Variants in SGTB observed in about 807,000 individuals in gnomAD.
SGTB encodes small glutamine-rich tetratricopeptide repeat-containing protein beta.
In SGTB, 19 loss-of-function variants were observed where a neutral mutation model predicts 43.9. The ratio of observed to expected loss-of-function variants is 0.43; its 90% CI spans 0.30 to 0.63. SGTB has a LOEUF of 0.63. Ranked by LOEUF, SGTB falls within the 30% of genes least tolerant of loss-of-function variation. The probability of loss-of-function intolerance (pLI) is 0.12; values close to 1 mark genes in which losing one functional copy is unlikely to be tolerated. For synonymous variants in SGTB, 116 were observed against 117.3 expected, an observed-to-expected ratio of 0.99 and a Z score of 0.07; for missense variants, 304 against 358.9, an observed-to-expected ratio of 0.85 and a Z score of 1.24.
intron 2 of SGTB, among the ~76,000 whole-genome samples, chr5:65,713,599 T>C (rs1339620694): frequency 6.6e-6 from 1 of 152,210 alleles, no homozygotes; most frequent in Non-Finnish European, 1.5e-5. Context: ...ATTATAGGCA[T>C]GAGCCACCAC....
intron 6 of SGTB, among the ~76,000 whole-genome samples, chr5:65,684,442 G>A (rs1320192413): frequency 6.6e-6 from 1 of 152,132 alleles, no homozygotes; most frequent in East Asian, 1.9e-4. Flanking sequence ...ATTAGAGATG[G>A]AAGATCTAAT....
chr5:65,722,627 C>G (rs1037703796), upstream of SGTB: 18 of 533,010 alleles, frequency 3.4e-5, no homozygotes, highest in Admixed American at 6.8e-4. Context: ...GGGAGGACGT[C>G]CATTCCTCTT....
At chr5:65,719,449 C>G (rs2081169) in intron 2 of SGTB, among the ~76,000 whole-genome samples, 44,070 of 151,710 alleles carry the variant, frequency 0.29, 7,638 homozygotes, top group East Asian at 0.54. Context: ...AAAACTTAGC[C>G]GGGTGTGGTA....
At chr5:65,708,615 G>C in intron 3 of SGTB, 57 bp from the exon 4 acceptor site, 1 of 1,339,702 alleles carries the variant, frequency 7.5e-7, no homozygotes, top group South Asian at 1.3e-5. Context: ...AATCATCCTA[G>C]AGTACTATAA....
chr5:65,695,770 G>A (rs1224625155), intron 5 of SGTB, among the ~76,000 whole-genome samples: 1 of 152,156 alleles, frequency 6.6e-6, no homozygotes, highest in African/African-American at 2.4e-5. Context: ...AATTAAAGAA[G>A]CCTTACCTTG....
intron 6 of SGTB, among the ~76,000 whole-genome samples, chr5:65,684,807 C>A (rs1561154880): frequency 1.3e-5 from 2 of 152,150 alleles, no homozygotes; most frequent in African/African-American, 4.8e-5. Flanking sequence ...CCCACCTTGG[C>A]CTTCCAAAGT....
intron 4 of SGTB, among the ~76,000 whole-genome samples, chr5:65,706,530 C>T (rs1757936281): frequency 6.6e-6 from 1 of 152,030 alleles, no homozygotes; most frequent in Non-Finnish European, 1.5e-5. Flanking sequence ...ATATAAAATA[C>T]TTAACATATA....
intron 8 of SGTB, among the ~76,000 whole-genome samples, chr5:65,676,321 G>GA (rs553675926): frequency 3.4e-5 from 5 of 145,428 alleles, no homozygotes; most frequent in South Asian, 2.2e-4. Flanking sequence ...TGTCTCAAGA[G>GA]AAAAAAAAAA....
intron 4 of SGTB, among the ~76,000 whole-genome samples, chr5:65,707,260 CA>C (rs201961321): frequency 6.7e-6 from 1 of 148,986 alleles, no homozygotes; most frequent in African/African-American, 2.5e-5. Flanking sequence ...GACTCTGTCT[CA>C]AAAAAAACAA....
intron 5 of SGTB, among the ~76,000 whole-genome samples, chr5:65,700,679 TCC>T (rs1213021306): frequency 2.3e-5 from 2 of 87,236 alleles, no homozygotes; most frequent in African/African-American, 4.2e-5. Context: ...AGACTCTGTC[TCC>T]CAAAAAAAAA....
chr5:65,698,123 C>T (rs1757745599), intron 5 of SGTB, among the ~76,000 whole-genome samples: 1 of 152,234 alleles, frequency 6.6e-6, no homozygotes, highest in South Asian at 2.1e-4. Flanking sequence ...GCACCCTCCA[C>T]CATGCCTGGC....
At position 65,693,246 on chromosome 5, in the gene SGTB, G is replaced by GAGGA. The variant is rs377444862; in HGVS notation, c.375-7778_375-7775dup. On this transcript the variant is annotated intron_variant, in intron 5 of 10. Coordinates refer to ENST00000381007, the MANE Select transcript of SGTB (RefSeq NM_019072.3). ...AGGAAGGGAAAGAGAGAAAGAGAGA[G>GAGGA]AGGAAGGAAGGAAGGAAGGAAGGAA... Among the ~76,000 whole-genome samples the GAGGA allele has an allele frequency of 8.8e-3, 1,313 of 149,298 alleles. 26 individuals are homozygous for GAGGA. The highest frequency in any genetic ancestry group is 0.029 in the African/African-American group (1,176 of 39,900).
chr5:65,670,161 A>G lies in SGTB; in HGVS notation c.*85T>C, dbSNP rs10070534. 1 of 1,172,202 alleles carries G rather than the reference A, an allele frequency of 8.5e-7. No homozygotes were observed. Among genetic ancestry groups the G allele is most frequent in the Non-Finnish European group, 1.2e-6 (1 of 813,514 alleles). 72.6% of individuals were successfully genotyped at this position (1,172,202 alleles called of 1,614,324 possible). ...ATCAGATATGGTGTTTGGTTTTTTG[A>G]AGGAGGGAGGGGGTACTATCTACAA... On this transcript the variant is annotated 3_prime_UTR_variant, in exon 11 of 11. Transcript: ENST00000381007.
At chr5:65,696,576 T>A (rs1217151044) in intron 5 of SGTB, among the ~76,000 whole-genome samples, 1 of 152,182 alleles carries the variant, frequency 6.6e-6, no homozygotes, top group East Asian at 1.9e-4. Context: ...AGGCACAGTA[T>A]AAGGTGCTAT....
At chr5:65,691,885 C>T (rs984883069) in intron 5 of SGTB, among the ~76,000 whole-genome samples, 3 of 149,724 alleles carry the variant, frequency 2.0e-5, no homozygotes, top group African/African-American at 2.5e-5. Flanking sequence ...GAGCCGAGAT[C>T]GCGCCACTGC....
At chr5:65,719,738 G>A (rs1758218522) in intron 2 of SGTB, among the ~76,000 whole-genome samples, 1 of 152,152 alleles carries the variant, frequency 6.6e-6, no homozygotes, top group Non-Finnish European at 1.5e-5. Context: ...GAAGAACAAA[G>A]ACGGTGTCGA....
intron 5 of SGTB, among the ~76,000 whole-genome samples, chr5:65,702,124 G>A (rs1757837229): frequency 6.6e-6 from 1 of 152,140 alleles, no homozygotes. Context: ...TTAATTCAGG[G>A]AATTTATTAC....
intron 2 of SGTB, 91 bp downstream of exon 2, chr5:65,720,617 A>G: frequency 1.4e-6 from 2 of 1,443,166 alleles, no homozygotes; most frequent in Non-Finnish European, 1.8e-6. Context: ...AATTCTGATT[A>G]TGTTACAATA....
intron 4 of SGTB, 70 bp from the exon 5 acceptor site, chr5:65,704,448 T>C: frequency 8.8e-7 from 1 of 1,137,866 alleles, no homozygotes; most frequent in Non-Finnish European, 1.2e-6. Context: ...TATAGACACA[T>C]TTTAATCGTG....
Sources: allele counts gnomAD v4.1 joint callset (sites outside exome capture counted in the v4.1 genomes callset), GRCh38; gene constraint gnomAD v4.1.1; transcripts MANE v1.5; gene names NCBI Gene and HGNC (gene_info 2026-07-23, HGNC 2026-07-21).